The following SYN2 variants were observed in gnomAD, a reference collection of about 807,000 sequenced individuals.
The protein encoded by SYN2 is synapsin II.
In SYN2, 19 loss-of-function variants were observed where a neutral mutation model predicts 50.9. The observed-to-expected ratio is 0.37, with a 90% CI of 0.26 to 0.55. The LOEUF (loss-of-function observed/expected upper bound fraction) is 0.55, where lower values mean the gene tolerates loss of function less well. Ranked by LOEUF, SYN2 falls within the 20% of genes least tolerant of loss-of-function variation. The pLI, the probability that SYN2 is intolerant of heterozygous loss-of-function variation, is 0.81. For synonymous variants in SYN2, 255 were observed against 224.9 expected, an observed-to-expected ratio of 1.13 and a Z score of -1.20; for missense variants, 587 against 576.4, an observed-to-expected ratio of 1.02 and a Z score of -0.19.
intron 3 of SYN2, among the ~76,000 whole-genome samples, chr3:12,143,742 T>G (rs1697082660): frequency 6.6e-6 from 1 of 152,212 alleles, no homozygotes. Context: ...AGTGCTGCAA[T>G]AAACATATGA....
intron 1 of SYN2, among the ~76,000 whole-genome samples, chr3:12,009,165 A>G (rs1473961083): frequency 6.6e-6 from 1 of 152,234 alleles, no homozygotes; most frequent in African/African-American, 2.4e-5. Flanking sequence ...TCATAGCAGC[A>G]GTTGCCTGTA....
rs139411405 is a variant in SYN2, at chr3:12,068,441, T to G, written c.377+63513T>G. On this transcript the variant is annotated intron_variant, in intron 1 of 12. Transcript: ENST00000621198. Reference sequence around the variant, plus strand: ...TGGAATTTTCTCTTTGGCTTGCTTTTCCGAAATTTATGATGGTGAATCTTG... The same window carrying G: ...TGGAATTTTCTCTTTGGCTTGCTTTGCCGAAATTTATGATGGTGAATCTTG... 4.6e-3 allele frequency among the ~76,000 whole-genome samples: 703 copies of G among 152,324 alleles called. 5 individuals are homozygous for G. The highest frequency in any genetic ancestry group is 0.016 in the African/African-American group (645 of 41,566).
intron 11 of SYN2, among the ~76,000 whole-genome samples, chr3:12,186,267 T>G (rs900087979): frequency 2.6e-5 from 4 of 152,176 alleles, no homozygotes; most frequent in Admixed American, 2.6e-4. Context: ...CAGTCGTGCA[T>G]CATTTCCACT....
At chr3:12,117,392 T>C (rs1014590870) in intron 1 of SYN2, among the ~76,000 whole-genome samples, 1 of 152,242 alleles carries the variant, frequency 6.6e-6, no homozygotes, top group Non-Finnish European at 1.5e-5. Context: ...AATGTTGAGA[T>C]AGACAGATTT....
At chr3:12,067,348 ACCTTTCCT>A (rs1371425939) in intron 1 of SYN2, among the ~76,000 whole-genome samples, 6 of 152,064 alleles carry the variant, frequency 3.9e-5, no homozygotes, top group African/African-American at 1.4e-4. Context: ...TGAGAGGTAA[ACCTTTCCT>A]TTCCTTGTAA....
In SYN2 at chr3:12,162,090, C is replaced by T. The variant is rs1356898788; in HGVS notation, c.916C>T (p.Pro306Ser). The T allele has an allele frequency of 6.2e-7, 1 of 1,614,148 alleles. No homozygotes were observed. Among genetic ancestry groups the T allele is most frequent in the East Asian group, 2.2e-5 (1 of 44,888 alleles). ...ALTQTYATAE[P>S]FIDSKYDIRV... is the part of the protein sequence containing the mutation. ...CACCCAGACCTATGCCACTGCAGAG[C>T]CTTTCATTGACTCCAAGTATGACAT... is the stretch of plus-strand genomic sequence containing the variant. Residue 306 changes from proline (P) to serine (S), a missense_variant, in exon 7 of 13, where the codon CCT (proline) becomes TCT (serine). By Grantham distance (74) the Pro-to-Ser change is moderately conservative. Transcript: ENST00000621198.
chr3:12,013,402 A>G (rs984930000), intron 1 of SYN2, among the ~76,000 whole-genome samples: 1 of 151,928 alleles, frequency 6.6e-6, no homozygotes, highest in South Asian at 2.1e-4. Context: ...TATACTGCAT[A>G]TTCTCCCTGG....
At chr3:12,027,426 T>G (rs571688917) in intron 1 of SYN2, among the ~76,000 whole-genome samples, 11 of 152,162 alleles carry the variant, frequency 7.2e-5, no homozygotes, top group Admixed American at 2.0e-4. Context: ...ATTGTCCCCC[T>G]TTTTATCATT....
intron 1 of SYN2, among the ~76,000 whole-genome samples, chr3:12,057,978 A>G (rs1209650710): frequency 6.6e-6 from 1 of 152,172 alleles, no homozygotes; most frequent in Non-Finnish European, 1.5e-5. Context: ...TACTTTAAAA[A>G]TATATTCTGT....
intron 1 of SYN2, among the ~76,000 whole-genome samples, chr3:12,025,435 C>A (rs1203890350): frequency 6.6e-6 from 1 of 152,192 alleles, no homozygotes; most frequent in East Asian, 1.9e-4. Flanking sequence ...GTATGAGATA[C>A]TGCCTAAGTG....
intron 1 of SYN2, among the ~76,000 whole-genome samples, chr3:12,049,661 A>C (rs888074776): frequency 1.4e-4 from 21 of 152,222 alleles, no homozygotes; most frequent in Admixed American, 3.9e-4. Flanking sequence ...GTACATGTTG[A>C]ATGAAAAACA....
intron 10 of SYN2, among the ~76,000 whole-genome samples, chr3:12,175,034 G>T (rs996373674): frequency 2.6e-5 from 4 of 152,202 alleles, no homozygotes; most frequent in Admixed American, 2.6e-4. Context: ...TACATCAAGG[G>T]TGTACCAAGG....
intron 1 of SYN2, among the ~76,000 whole-genome samples, chr3:12,049,980 A>G (rs978908022): frequency 2.6e-5 from 4 of 152,024 alleles, no homozygotes; most frequent in African/African-American, 9.7e-5. Context: ...GCTCACTGCA[A>G]CCTCCACCTC....
chr3:12,113,793 G>T (rs1384754390), intron 1 of SYN2, among the ~76,000 whole-genome samples: 1 of 151,832 alleles, frequency 6.6e-6, no homozygotes, highest in Non-Finnish European at 1.5e-5. Flanking sequence ...CCTCTTTATG[G>T]CTGAATAATA....
chr3:12,183,913 A>G, intron 11 of SYN2: 1 of 1,001,756 alleles, frequency 1.0e-6, no homozygotes, highest in Non-Finnish European at 1.2e-6. Flanking sequence ...TGGGATCTTC[A>G]ATGAACTGTG....
intron 1 of SYN2, among the ~76,000 whole-genome samples, chr3:12,047,442 T>A (rs1694763676): frequency 6.6e-6 from 1 of 152,166 alleles, no homozygotes; most frequent in Non-Finnish European, 1.5e-5. Flanking sequence ...TGAATAAGAT[T>A]TTAAATCATC....
At chr3:12,071,165 C>T (rs1441116680) in intron 1 of SYN2, 3 of 553,200 alleles carry the variant, frequency 5.4e-6, no homozygotes, top group African/African-American at 1.9e-5. Context: ...CCGGGCATCA[C>T]CAACAGGATG....
chr3:12,166,254 A>C (rs1190337842), intron 7 of SYN2, among the ~76,000 whole-genome samples: 4 of 152,246 alleles, frequency 2.6e-5, no homozygotes, highest in African/African-American at 9.6e-5. Flanking sequence ...CTCTGTCGAC[A>C]GTGTAAGCAG....
At chr3:12,187,341 T>A (rs893040189) in intron 11 of SYN2, 28 bp from the exon 12 acceptor site, 1 of 1,500,464 alleles carries the variant, frequency 6.7e-7, no homozygotes, top group Non-Finnish European at 8.9e-7. Flanking sequence ...ATGGTTAAAT[T>A]ATGAAGTTTT....
Sources: gnomAD v4.1 joint callset for allele counts (sites outside exome capture counted in the v4.1 genomes callset) on GRCh38, gnomAD v4.1.1 for gene constraint, MANE v1.5 for transcripts, NCBI Gene and HGNC (gene_info 2026-07-23, HGNC 2026-07-21) for gene names.